Variants in MAP6 observed in about 807,000 individuals in gnomAD.
MAP6 encodes microtubule-associated protein 6.
MAP6 carries 26 observed loss-of-function variants against 42.4 expected under a neutral mutation model. The observed-to-expected ratio is 0.61, with a 90% CI of 0.45 to 0.85. The LOEUF (loss-of-function observed/expected upper bound fraction) is 0.85. Ranked by LOEUF, MAP6 falls within the 40% of genes least tolerant of loss-of-function variation. The pLI is 0.00. For missense variants in MAP6, 966 were observed against 1,099.0 expected (o/e 0.88, Z 1.71); for synonymous variants, 418 against 443.8 (o/e 0.94, Z 0.73).
At chr11:75,633,957 T>C (rs1487744532) in intron 1 of MAP6, among the ~76,000 whole-genome samples, 1 of 152,198 alleles carries the variant, frequency 6.6e-6, no homozygotes, top group Non-Finnish European at 1.5e-5. Flanking sequence ...GATTTGACTC[T>C]TGGTTTATGT....
intron 1 of MAP6, among the ~76,000 whole-genome samples, chr11:75,615,518 TGTAC>T (rs1942980711): frequency 6.6e-6 from 1 of 152,176 alleles, no homozygotes; most frequent in African/African-American, 2.4e-5. Flanking sequence ...AAATGCAGTA[TGTAC>T]AGAGAGATGA....
At chr11:75,643,927 G>A (rs571353424) in intron 1 of MAP6, among the ~76,000 whole-genome samples, 1 of 152,196 alleles carries the variant, frequency 6.6e-6, no homozygotes, top group Admixed American at 6.5e-5. Flanking sequence ...TGGATGATTT[G>A]AAAAGCAGCC....
chr11:75,625,453 G>A (rs1310786927), intron 1 of MAP6, among the ~76,000 whole-genome samples: 1 of 152,148 alleles, frequency 6.6e-6, no homozygotes, highest in Non-Finnish European at 1.5e-5. Context: ...AGAGGATGTT[G>A]GGGCCTACAG....
chr11:75,594,025 G>C (rs776828754), intron 3 of MAP6: 2 of 152,224 alleles, frequency 1.3e-5, no homozygotes, highest in Non-Finnish European at 2.9e-5. Context: ...ATGGCCCCTG[G>C]AATACAAGTG....
At chr11:75,644,446 C>T (rs1234721331) in intron 1 of MAP6, among the ~76,000 whole-genome samples, 1 of 152,054 alleles carries the variant, frequency 6.6e-6, no homozygotes, top group African/African-American at 2.4e-5. Context: ...TGTTATGTGT[C>T]AGGTACTAAT....
At chr11:75,665,457 T>C (rs1053339364) in intron 1 of MAP6, among the ~76,000 whole-genome samples, 1 of 152,222 alleles carries the variant, frequency 6.6e-6, no homozygotes, top group African/African-American at 2.4e-5. Context: ...TTGATTGGCA[T>C]TGACTGCATG....
rs1431756644 is a variant in MAP6, at chr11:75,587,733, C to G, written c.1768G>C (p.Ala590Pro). The stretch of plus-strand genomic sequence containing the variant: ...ATGGGACCTTGATCCTTGACAGATG[C>G]TGAGACCATGGGACCTTCATCCTTG... Reference protein sequence around the residue: ...PVKDEGPMVSASVKDQGPMVS... With the variant: ...PVKDEGPMVSPSVKDQGPMVS... The change falls in exon 4 of 4, where the codon GCA becomes CCA. Residue 590 changes from alanine (A) to proline (P), a missense_variant. By Grantham distance (27) the Ala-to-Pro change is conservative. Around this residue, in one of 2 missense-constraint regions of MAP6, gnomAD observed 943 missense variants for 1,049.9 expected, o/e 0.90. Coordinates refer to ENST00000304771, the MANE Select transcript of MAP6 (RefSeq NM_033063.2). 1 of 1,609,232 alleles carries G rather than the reference C, an allele frequency of 6.2e-7. No individual in the cohort carries two copies. Among genetic ancestry groups the G allele is most frequent in the Admixed American group, 1.7e-5 (1 of 59,716 alleles).
chr11:75,652,833 T>C (rs1312540138), intron 1 of MAP6, among the ~76,000 whole-genome samples: 1 of 138,976 alleles, frequency 7.2e-6, no homozygotes, highest in African/African-American at 2.7e-5. Flanking sequence ...AGACTCCATC[T>C]CAGAAAAAAA....
chr11:75,632,560 C>T (rs1320913034), intron 1 of MAP6, among the ~76,000 whole-genome samples: 4 of 152,040 alleles, frequency 2.6e-5, no homozygotes, highest in Non-Finnish European at 5.9e-5. Context: ...TTTTGTTTTG[C>T]GTGATTCTAT....
Position 75,588,164 on chromosome 11 carries a change from C to T in MAP6, c.1337G>A (p.Ser446Asn). ...EAKESLAQPV[S>N]DSSKTQGPVA... ...AGGACCTTGAGTCTTACTTGAATCA[C>T]TGACGGGTTGAGCCAGGCTCCTGCA... The change falls in exon 4 of 4, where the codon AGT (serine) becomes AAT (asparagine). Residue 446 changes from serine to asparagine, a missense_variant. This residue lies in a region of MAP6 where 943 missense variants were observed against 1,049.9 expected (regional missense o/e 0.90). Transcript: ENST00000304771. 6.2e-7 allele frequency: 1 copy of T among 1,612,634 alleles called. No individual in the cohort carries two copies. Among genetic ancestry groups the T allele is most frequent in the Non-Finnish European group, 8.5e-7 (1 of 1,179,600 alleles).
intron 1 of MAP6, among the ~76,000 whole-genome samples, chr11:75,636,363 C>G (rs1326930309): frequency 1.3e-5 from 2 of 152,182 alleles, no homozygotes; most frequent in African/African-American, 4.8e-5. Flanking sequence ...TAATCTCTTC[C>G]TCTTAACCAA....
intron 1 of MAP6, among the ~76,000 whole-genome samples, chr11:75,661,065 A>G (rs1943835986): frequency 6.6e-6 from 1 of 152,108 alleles, no homozygotes; most frequent in Admixed American, 6.5e-5. Flanking sequence ...CCACAAGATA[A>G]TGCTATGATC....
rs1565259348 is a variant in MAP6 at position 75,608,294 on chromosome 11, T to C, written c.934A>G (p.Lys312Glu). Residue 312 changes from lysine to glutamate, a missense_variant, in exon 2 of 4, where the codon AAG becomes GAG. By Grantham distance (56) the Lys-to-Glu change is moderately conservative. Transcript: ENST00000304771. Reference sequence around the variant, plus strand: ...TTGGCCTTTATTGGTTTCACAGGCTTGATGTCCGTCCATGCCCTGAATTCA... The same window carrying C: ...TTGGCCTTTATTGGTTTCACAGGCTCGATGTCCGTCCATGCCCTGAATTCA... Reference protein sequence around the residue: ...RNEFRAWTDIKPVKPIKAKPQ... With the variant: ...RNEFRAWTDIEPVKPIKAKPQ... The C allele has an allele frequency of 6.2e-7, 1 of 1,614,208 alleles. No homozygotes were observed. Among genetic ancestry groups the C allele is most frequent in the Non-Finnish European group, 8.5e-7 (1 of 1,180,026 alleles).
chr11:75,587,079 A>AT lies in MAP6; in HGVS notation c.2421dup (p.Tyr808IlefsTer3). On this transcript the variant is annotated frameshift_variant, in exon 4 of 4. Coordinates refer to ENST00000304771, the MANE Select transcript of MAP6 (RefSeq NM_033063.2). LOFTEE classifies it high-confidence loss of function. ...GAGTGTCAAGGGGAGCTCTCAATGT[A>AT]TTCCGTATGGGGGGCAGTTGGGATC... 1 of 1,597,354 alleles carries AT rather than the reference A, an allele frequency of 6.3e-7. No homozygotes were observed. The highest frequency in any genetic ancestry group is 8.6e-7 in the Non-Finnish European group (1 of 1,169,578).
intron 1 of MAP6, among the ~76,000 whole-genome samples, chr11:75,642,441 T>C (rs958605228): frequency 6.6e-6 from 1 of 152,228 alleles, no homozygotes; most frequent in Non-Finnish European, 1.5e-5. Flanking sequence ...TCAAAACTAT[T>C]ATCTGATTGA....
chr11:75,603,153 A>T lies in MAP6; in HGVS notation c.1316+2655T>A, dbSNP rs1942696611. The T allele has an allele frequency of 6.1e-6, 6 of 985,406 alleles. No homozygotes were observed. In the South Asian group the frequency reaches 2.8e-4, roughly 46 times the overall value. 61.0% of individuals were successfully genotyped at this position (985,406 alleles called of 1,614,324 possible). A position where few individuals can be genotyped will look rare whatever the true frequency, so the allele number is the denominator to read the frequency against. ...CCGAATGGGAGCACAGACAGGACAG[A>T]TTGCTGAGGGAAGCCAATGCGCAGC... On this transcript the variant is annotated intron_variant, in intron 3 of 3. Coordinates refer to ENST00000304771, the MANE Select transcript of MAP6 (RefSeq NM_033063.2).
chr11:75,651,697 G>A (rs1943649132), intron 1 of MAP6, among the ~76,000 whole-genome samples: 1 of 152,180 alleles, frequency 6.6e-6, no homozygotes, highest in Non-Finnish European at 1.5e-5. Flanking sequence ...ACTCTTACAT[G>A]TACATCAGCT....
At position 75,667,838 on chromosome 11, in the gene MAP6, C is replaced by T. The variant is rs370290525; in HGVS notation, c.532G>A (p.Val178Met). Reference protein sequence around the residue: ...RGDHPWIPKPVQISAASQASA... With the variant: ...RGDHPWIPKPMQISAASQASA... ...GCCTGGGAGGCCGCAGAGATCTGCACGGGCTTGGGGATCCACGGGTGGTCC... is the reference window on the plus strand; with the variant it reads ...GCCTGGGAGGCCGCAGAGATCTGCATGGGCTTGGGGATCCACGGGTGGTCC... The change falls in exon 1 of 4, where the codon GTG becomes ATG. Residue 178 changes from valine to methionine, a missense_variant. Coordinates refer to ENST00000304771, the MANE Select transcript of MAP6 (RefSeq NM_033063.2). This position sits in a 1 kb window ranked among gnomAD's most constrained non-coding sequence, Gnocchi z 5.6. 368 of 1,395,580 alleles carry T rather than the reference C, an allele frequency of 2.6e-4. 3 individuals are homozygous for T. In the East Asian group the frequency reaches 8.3e-3, roughly 31 times the overall value. The allele number at this position is 1,395,580 out of a possible 1,614,324, so 86.4% of individuals were successfully genotyped here.
At chr11:75,605,556 G>A in intron 3 of MAP6, 1 of 1,283,828 alleles carries the variant, frequency 7.8e-7, no homozygotes, top group Non-Finnish European at 9.9e-7. Context: ...GCCAGGGGAG[G>A]GCACAGCCAG....
Sources: allele counts gnomAD v4.1 joint callset (sites outside exome capture counted in the v4.1 genomes callset), GRCh38; gene constraint gnomAD v4.1.1; regional missense constraint gnomAD v4.1.1; non-coding constraint Gnocchi (gnomAD v3.1); transcripts MANE v1.5; gene names NCBI Gene and HGNC (gene_info 2026-07-23, HGNC 2026-07-21).